Variants in PDE3A observed in about 807,000 individuals in gnomAD.
PDE3A encodes phosphodiesterase 3A.
In PDE3A, 43 loss-of-function variants were observed where a neutral mutation model predicts 98.3. The observed-to-expected ratio is 0.44, with a 90% CI of 0.34 to 0.56. The LOEUF (loss-of-function observed/expected upper bound fraction) is 0.56, where lower values mean the gene tolerates loss of function less well. Ranked by LOEUF, PDE3A falls within the 20% of genes least tolerant of loss-of-function variation. The pLI, the probability that PDE3A is intolerant of heterozygous loss-of-function variation, is 0.01. For missense variants in PDE3A, 1,427 were observed against 1,440.7 expected (o/e 0.99, Z 0.15); for synonymous variants, 663 against 567.9 (o/e 1.17, Z -2.38).
At chr12:20,661,601 T>G (rs1945171885) in intron 15 of PDE3A, among the ~76,000 whole-genome samples, 2 of 152,110 alleles carry the variant, frequency 1.3e-5, no homozygotes, top group Admixed American at 1.3e-4. Context: ...ACCACTCCAG[T>G]TGTCACTGAA....
rs181910498 is a variant in PDE3A, at chr12:20,637,171, T to C, written c.2073T>C (p.Thr691=). The stretch of plus-strand genomic sequence containing the variant: ...ACTCAATTATGGAGCAGCTAAATAC[T>C]TGGAATTTTCCAATTTTTGATTTAG... ...NLDSIMEQLN[T]WNFPIFDLVE... The change falls in exon 9 of 16, where the codon ACT becomes ACC. Residue 691 remains threonine, a synonymous_variant. Transcript: ENST00000359062. The C allele has an allele frequency of 1.1e-5, 17 of 1,610,306 alleles. No homozygotes were observed. In the East Asian group the frequency reaches 3.8e-4, roughly 36 times the overall value.
At chr12:20,388,984 A>G (rs546535176) in intron 1 of PDE3A, among the ~76,000 whole-genome samples, 1 of 152,216 alleles carries the variant, frequency 6.6e-6, no homozygotes, top group South Asian at 2.1e-4. Flanking sequence ...ATATTAAAAC[A>G]GTTTCTATAA....
At chr12:20,628,980 A>G (rs570745251) in intron 5 of PDE3A, among the ~76,000 whole-genome samples, 25 of 152,362 alleles carry the variant, frequency 1.6e-4, no homozygotes, top group African/African-American at 5.5e-4. Flanking sequence ...CTAAGTGGTG[A>G]GAAATAGACA....
At chr12:20,676,282 C>T (rs1035180936) in intron 15 of PDE3A, among the ~76,000 whole-genome samples, 1 of 152,094 alleles carries the variant, frequency 6.6e-6, no homozygotes, top group Non-Finnish European at 1.5e-5. Flanking sequence ...ATTCTCTGAG[C>T]TTTGCTTCTG....
chr12:20,608,369 G>T lies in PDE3A; in HGVS notation c.1012-5074G>T, dbSNP rs114627702. 9.6e-3 allele frequency among the ~76,000 whole-genome samples: 1,069 copies of T among 111,066 alleles called. 20 individuals carry two copies. Among genetic ancestry groups the T allele is most frequent in the African/African-American group, 0.032 (1,018 of 31,978 alleles). The allele number at this position is 111,066 out of a possible 152,430, so 72.9% of individuals were successfully genotyped here. The stretch of plus-strand genomic sequence containing the variant: ...CAACAAAGTGAGGACCTGACTTAAT[G>T]ATACTAAGGATATTTTTTTTTTCCA... On this transcript the variant is annotated intron_variant, in intron 2 of 15. Coordinates refer to ENST00000359062, the MANE Select transcript of PDE3A (RefSeq NM_000921.5).
intron 15 of PDE3A, among the ~76,000 whole-genome samples, chr12:20,668,118 C>CCTGAATACTG (rs1945368634): frequency 2.0e-5 from 3 of 152,190 alleles, no homozygotes; most frequent in African/African-American, 7.2e-5. Flanking sequence ...GTCACTCCCA[C>CCTGAATACTG]CTGAATACTG....
intron 1 of PDE3A, among the ~76,000 whole-genome samples, chr12:20,463,991 T>C (rs1453742022): frequency 6.6e-6 from 1 of 152,196 alleles, no homozygotes; most frequent in African/African-American, 2.4e-5. Context: ...TTAATTTATT[T>C]CTTTATCTGA....
intron 15 of PDE3A, among the ~76,000 whole-genome samples, chr12:20,674,268 C>A (rs967412566): frequency 1.3e-5 from 2 of 152,092 alleles, no homozygotes; most frequent in African/African-American, 2.4e-5. Context: ...CAAAGAGGGA[C>A]AATTTGACTT....
chr12:20,666,885 T>C (rs1945328393), intron 15 of PDE3A, among the ~76,000 whole-genome samples: 1 of 152,216 alleles, frequency 6.6e-6, no homozygotes, highest in African/African-American at 2.4e-5. Flanking sequence ...CCAACTTATA[T>C]ACCTACAAAC....
At chr12:20,576,924 G>T (rs544286822) in intron 2 of PDE3A, among the ~76,000 whole-genome samples, 1 of 117,362 alleles carries the variant, frequency 8.5e-6, no homozygotes, top group East Asian at 3.6e-4. Context: ...TTGGAAACAT[G>T]AAGTTTTTTT....
At position 20,687,195 on chromosome 12, in the gene PDE3A, T is replaced by C. The variant is rs186114101; in HGVS notation, c.*6924T>C. ...ATATACTTCAATAAATAGTTCTTTG[T>C]GTATATAAAGTGTTGGTTCATAGCA... On this transcript the variant is annotated 3_prime_UTR_variant, in exon 16 of 16. Coordinates refer to ENST00000359062, the MANE Select transcript of PDE3A (RefSeq NM_000921.5). Among the ~76,000 whole-genome samples, 6 of 152,214 alleles carry C rather than the reference T, an allele frequency of 3.9e-5. No individual in the cohort carries two copies. The highest frequency in any genetic ancestry group is 3.9e-4 in the Admixed American group (6 of 15,266).
chr12:20,635,152 G>A (rs1944472577), intron 8 of PDE3A, 96 bp downstream of exon 8: 7 of 1,134,244 alleles, frequency 6.2e-6, no homozygotes. Flanking sequence ...CAGGCAAGGT[G>A]GCTCACACCT....
At chr12:20,665,645 T>C (rs1945289236) in intron 15 of PDE3A, among the ~76,000 whole-genome samples, 1 of 152,118 alleles carries the variant, frequency 6.6e-6, no homozygotes, top group African/African-American at 2.4e-5. Flanking sequence ...AAGCAAATAA[T>C]TTTCCAAAGT....
intron 2 of PDE3A, among the ~76,000 whole-genome samples, chr12:20,597,327 G>C (rs1329117648): frequency 1.3e-5 from 2 of 152,142 alleles, no homozygotes; most frequent in African/African-American, 4.8e-5. Context: ...TCAGAAGCTA[G>C]AAAGCCTTGA....
chr12:20,424,400 T>C (rs566263877), intron 1 of PDE3A, among the ~76,000 whole-genome samples: 5 of 131,650 alleles, frequency 3.8e-5, no homozygotes, highest in Non-Finnish European at 8.1e-5. Flanking sequence ...TCTGTTTTAG[T>C]AGAAAAATTT....
At chr12:20,615,674 T>A (rs1369100519) in intron 3 of PDE3A, among the ~76,000 whole-genome samples, 1 of 152,146 alleles carries the variant, frequency 6.6e-6, no homozygotes. Context: ...ACTCCTATAA[T>A]CACATATTTG....
At chr12:20,483,365 T>C (rs543860872) in intron 1 of PDE3A, among the ~76,000 whole-genome samples, 1 of 152,046 alleles carries the variant, frequency 6.6e-6, no homozygotes, top group South Asian at 2.1e-4. Flanking sequence ...CTCCAGCCTG[T>C]TGACATAGCG....
chr12:20,432,995 TC>T (rs1290002854), intron 1 of PDE3A, among the ~76,000 whole-genome samples: 1 of 152,170 alleles, frequency 6.6e-6, no homozygotes, highest in Non-Finnish European at 1.5e-5. Context: ...GGCTCCATTT[TC>T]CCAGGAATTC....
In PDE3A at chr12:20,637,109, A is replaced by G. The variant is rs771059043; in HGVS notation, c.2011A>G (p.Ile671Val). 18 of 1,606,208 alleles carry G rather than the reference A, an allele frequency of 1.1e-5. No homozygotes were observed. The South Asian group carries it at 2.0e-4, about 18-fold the overall frequency. Residue 671 changes from isoleucine to valine, a missense_variant, in exon 9 of 16, where the codon ATT becomes GTT. Ile to Val is a conservative substitution (Grantham distance 29). Coordinates refer to ENST00000359062, the MANE Select transcript of PDE3A (RefSeq NM_000921.5). ...ATGTTAAACATTACAGGACAAACCA[A>G]TTCTTGCTCCCGAACCTCTTGTCAT... ...PETMMFLDKPILAPEPLVMDN... is the reference protein window; with the variant it reads ...PETMMFLDKPVLAPEPLVMDN...
Sources: gnomAD v4.1 joint callset for allele counts (sites outside exome capture counted in the v4.1 genomes callset) on GRCh38, gnomAD v4.1.1 for gene constraint, MANE v1.5 for transcripts, NCBI Gene and HGNC (gene_info 2026-07-23, HGNC 2026-07-21) for gene names.